The following DRICH1 variants were observed in gnomAD, a reference collection of about 807,000 sequenced individuals.
The protein encoded by DRICH1 is aspartate-rich protein 1.
Under a neutral mutation model 39.5 loss-of-function variants are expected in DRICH1, and 38 were observed. That is an observed-to-expected ratio of 0.96 (90% confidence interval 0.74 to 1.26). The LOEUF is 1.26. Among genes scored for constraint, DRICH1 ranks in the 50% most tolerant of loss-of-function variants. The pLI, the probability that DRICH1 is intolerant of heterozygous loss-of-function variation, is 0.00. For synonymous variants in DRICH1, 84 were observed against 99.5 expected, an observed-to-expected ratio of 0.84 and a Z score of 0.93; for missense variants, 279 against 270.4, an observed-to-expected ratio of 1.03 and a Z score of -0.22.
chr22:23,587,032 C>T, the DRICH1 span, among the ~76,000 whole-genome samples: 7 of 152,164 alleles, frequency 4.6e-5, no homozygotes, highest in East Asian at 1.2e-3. Context: ...CTCCTGCACA[C>T]GGGAGCTCTT....
intron 2 of DRICH1, 99 bp downstream of exon 2, chr22:23,625,882 G>T: frequency 1.1e-6 from 1 of 907,508 alleles, no homozygotes; most frequent in Non-Finnish European, 1.8e-6. Context: ...TTGCTGTTCT[G>T]CAGGCCTCTG....
chr22:23,628,715 C>A (rs549144467), intron 1 of DRICH1, among the ~76,000 whole-genome samples: 1 of 152,186 alleles, frequency 6.6e-6, no homozygotes, highest in East Asian at 1.9e-4. Context: ...AGGCCTGGGA[C>A]CTGTCTGTGT....
At chr22:23,624,734 C>T in intron 3 of DRICH1, 149 bp downstream of exon 3, 1 of 1,036,502 alleles carries the variant, frequency 9.6e-7, no homozygotes, top group Non-Finnish European at 1.5e-6. Context: ...CACATTTCTA[C>T]ATCCTCTCTG....
Position 23,631,947 on chromosome 22 carries a change from G to A in DRICH1, c.77C>T (p.Ser26Phe). The change falls in exon 1 of 12, where the codon TCT (serine) becomes TTT (phenylalanine). Residue 26 changes from serine (S) to phenylalanine (F), a missense_variant. Physicochemically the swap from Ser to Phe is radical, Grantham distance 155. Coordinates refer to ENST00000317749, the MANE Select transcript of DRICH1 (RefSeq NM_016449.4). The part of the protein sequence containing the change: ...PRGKDAPCYE[S>F]DTDIYETVAA... The stretch of plus-strand genomic sequence containing the variant: ...CACAGTCTCATAAATATCAGTATCA[G>A]ATTCATAACAGGGTGCGTCCTTCCC... 6.2e-7 allele frequency: 1 copy of A among 1,613,830 alleles called. No individual in the cohort carries two copies. The highest frequency in any genetic ancestry group is 8.5e-7 in the Non-Finnish European group (1 of 1,180,026).
At chr22:23,590,842 CT>C in the DRICH1 span, among the ~76,000 whole-genome samples, 1 of 152,080 alleles carries the variant, frequency 6.6e-6, no homozygotes, top group African/African-American at 2.4e-5. Flanking sequence ...TGGTCTTGAA[CT>C]CCTGACCTAA....
intron 11 of DRICH1, among the ~76,000 whole-genome samples, chr22:23,610,894 T>A (rs1292174265): frequency 3.2e-5 from 4 of 123,274 alleles, no homozygotes; most frequent in African/African-American, 1.4e-4. Flanking sequence ...TGGGCAAAAT[T>A]TTTTTTTTTT....
the DRICH1 span, among the ~76,000 whole-genome samples, chr22:23,584,442 A>G: frequency 6.6e-6 from 1 of 152,146 alleles, no homozygotes; most frequent in African/African-American, 2.4e-5. Flanking sequence ...TGCACCACCA[A>G]GGATCCCTCT....
the DRICH1 span, chr22:23,581,358 C>T: frequency 6.6e-6 from 1 of 152,404 alleles, no homozygotes; most frequent in South Asian, 2.1e-4. Flanking sequence ...CAGTGGCAGT[C>T]AGGAGGGACT....
chr22:23,628,144 G>A (rs915316442), intron 1 of DRICH1, among the ~76,000 whole-genome samples: 7 of 152,172 alleles, frequency 4.6e-5, no homozygotes, highest in African/African-American at 1.7e-4. Context: ...AGGATGAGCT[G>A]GACTCTGGAA....
chr22:23,602,913 GT>G, the DRICH1 span, among the ~76,000 whole-genome samples: 2 of 151,016 alleles, frequency 1.3e-5, no homozygotes, highest in African/African-American at 2.4e-5. Flanking sequence ...AGTGTTTAAT[GT>G]TCCCTACCAT....
At chr22:23,624,705 T>C (rs1259129007) in intron 3 of DRICH1, among the ~76,000 whole-genome samples, 178 bp downstream of exon 3, 3 of 152,228 alleles carry the variant, frequency 2.0e-5, no homozygotes, top group Admixed American at 6.5e-5. Flanking sequence ...AATCTCCTCA[T>C]TGGTCCTCTG....
downstream of DRICH1, among the ~76,000 whole-genome samples, chr22:23,607,821 C>T (rs1555908405): frequency 6.6e-6 from 1 of 152,242 alleles, no homozygotes. Context: ...GACCACCATC[C>T]TTGCCATCAC....
chr22:23,598,779 G>A, the DRICH1 span, among the ~76,000 whole-genome samples: 3 of 152,198 alleles, frequency 2.0e-5, no homozygotes, highest in African/African-American at 7.2e-5. Context: ...CTGGTGCCTG[G>A]CAGAGGGCAG....
chr22:23,613,301 C>G lies in DRICH1; in HGVS notation c.673G>C (p.Glu225Gln), dbSNP rs1309557807. Residue 225 changes from glutamate (E) to glutamine (Q), a missense_variant, in exon 11 of 12, where the codon GAG (glutamate) becomes CAG (glutamine). Physicochemically the swap from Glu to Gln is conservative, Grantham distance 29. Transcript: ENST00000317749. ...CGTAGTTCCCTACCTGGATGAATCT[C>G]TTCATCACTTAGACTCTCCAGCGTC... Reference protein sequence around the residue: ...DLTLESLSDEEIHPG With the variant: ...DLTLESLSDEQIHPG 1 of 1,612,852 alleles carries G rather than the reference C, an allele frequency of 6.2e-7. No individual in the cohort carries two copies. The highest frequency in any genetic ancestry group is 1.3e-5 in the African/African-American group (1 of 74,880).
intron 8 of DRICH1, among the ~76,000 whole-genome samples, chr22:23,615,690 A>C (rs1207517306): frequency 1.3e-5 from 2 of 152,240 alleles, no homozygotes; most frequent in Non-Finnish European, 2.9e-5. Context: ...TATATGTCTC[A>C]AGTAACCATG....
the DRICH1 span, among the ~76,000 whole-genome samples, chr22:23,584,384 G>A: frequency 6.6e-6 from 1 of 152,090 alleles, no homozygotes; most frequent in Non-Finnish European, 1.5e-5. Flanking sequence ...CCTCCTGCTG[G>A]TCAGTCCCCT....
At chr22:23,625,013 T>A in intron 2 of DRICH1, 109 bp from the exon 3 acceptor site, 1 of 1,255,946 alleles carries the variant, frequency 8.0e-7, no homozygotes, top group Non-Finnish European at 1.1e-6. Context: ...TTTGAAACAG[T>A]GGTTGAGTCC....
intron 4 of DRICH1, among the ~76,000 whole-genome samples, chr22:23,620,841 T>C (rs1030641239): frequency 1.3e-5 from 2 of 152,200 alleles, no homozygotes; most frequent in Non-Finnish European, 2.9e-5. Flanking sequence ...TTAAGGCTAT[T>C]GACTTAGATT....
chr22:23,604,487 A>T (rs1038702576), downstream of DRICH1, among the ~76,000 whole-genome samples: 4 of 151,968 alleles, frequency 2.6e-5, no homozygotes, highest in Non-Finnish European at 5.9e-5. Flanking sequence ...TTCCTCTGGG[A>T]CCTCAGCCCT....
Sources: gnomAD v4.1 joint callset for allele counts (sites outside exome capture counted in the v4.1 genomes callset) on GRCh38, gnomAD v4.1.1 for gene constraint, MANE v1.5 for transcripts, NCBI Gene and HGNC (gene_info 2026-07-23, HGNC 2026-07-21) for gene names.